The following USP28 variants were observed in gnomAD, a reference collection of about 807,000 sequenced individuals.
USP28 encodes the protein ubiquitin specific peptidase 28.
USP28 carries 113 observed loss-of-function variants against 145.0 expected under a neutral mutation model. The observed-to-expected ratio is 0.78, with a 90% CI of 0.67 to 0.91. The LOEUF (loss-of-function observed/expected upper bound fraction) is 0.91. Ranked by LOEUF, USP28 falls within the 40% of genes least tolerant of loss-of-function variation. The pLI, the probability that USP28 is intolerant of heterozygous loss-of-function variation, is 0.00. For synonymous variants in USP28, 447 were observed against 450.9 expected (o/e 0.99, Z 0.11); for missense variants, 1,201 against 1,289.6 (o/e 0.93, Z 1.05).
intron 3 of USP28, among the ~76,000 whole-genome samples, chr11:113,845,597 A>G (rs1945742725): frequency 3.3e-5 from 5 of 152,024 alleles, no homozygotes; most frequent in Admixed American, 3.3e-4. Context: ...TTTTTTTGAG[A>G]GAGTCTCACT....
At chr11:113,805,297 C>T (rs555773137) in intron 19 of USP28, among the ~76,000 whole-genome samples, 5 of 151,380 alleles carry the variant, frequency 3.3e-5, no homozygotes, top group African/African-American at 1.2e-4. Context: ...ACTTTGTCAC[C>T]CAGGCTGGAG....
intron 2 of USP28, among the ~76,000 whole-genome samples, chr11:113,853,701 C>A (rs1946726968): frequency 6.6e-6 from 1 of 151,682 alleles, no homozygotes; most frequent in Non-Finnish European, 1.5e-5. Context: ...ATGGTGAAAC[C>A]CCGTCTCTAC....
intron 12 of USP28, among the ~76,000 whole-genome samples, chr11:113,820,017 T>C (rs1217109772): frequency 2.0e-5 from 3 of 152,250 alleles, no homozygotes; most frequent in South Asian, 2.1e-4. Context: ...TGTTCCATTA[T>C]TGGAATGCTA....
chr11:113,819,432 T>C (rs930694326), intron 12 of USP28, among the ~76,000 whole-genome samples: 3 of 152,062 alleles, frequency 2.0e-5, no homozygotes, highest in African/African-American at 7.2e-5. Context: ...ATTCTTAAAC[T>C]GTAAAAGTAA....
chr11:113,851,259 T>C (rs1946412865), intron 3 of USP28, among the ~76,000 whole-genome samples: 1 of 152,098 alleles, frequency 6.6e-6, no homozygotes, highest in Non-Finnish European at 1.5e-5. Flanking sequence ...TGGAAATCAG[T>C]TTATATCATT....
At chr11:113,833,294 CA>C in intron 7 of USP28, 125 bp downstream of exon 7, 2 of 1,344,704 alleles carry the variant, frequency 1.5e-6, no homozygotes, top group African/African-American at 2.9e-5. Flanking sequence ...AAACAAAAGT[CA>C]GAAACGAGCA....
intron 5 of USP28, among the ~76,000 whole-genome samples, chr11:113,838,892 T>A (rs964245913): frequency 2.0e-5 from 3 of 152,210 alleles, no homozygotes; most frequent in Non-Finnish European, 4.4e-5. Flanking sequence ...GAGAATTCCA[T>A]TTTTTGGCTT....
At chr11:113,858,118 A>G (rs1386902968) in intron 1 of USP28, among the ~76,000 whole-genome samples, 1 of 152,236 alleles carries the variant, frequency 6.6e-6, no homozygotes, top group East Asian at 1.9e-4. Flanking sequence ...CACCTGTCTC[A>G]GCCTCCCAAA....
At chr11:113,799,666 A>G (rs1206138631) in intron 24 of USP28, among the ~76,000 whole-genome samples, 2 of 152,212 alleles carry the variant, frequency 1.3e-5, no homozygotes, top group African/African-American at 4.8e-5. Flanking sequence ...GTCTTCTTAA[A>G]ATACAAGGAA....
At chr11:113,844,185 A>C (rs1945546304) in intron 3 of USP28, among the ~76,000 whole-genome samples, 1 of 152,154 alleles carries the variant, frequency 6.6e-6, no homozygotes, top group Non-Finnish European at 1.5e-5. Context: ...TCACATCTAT[A>C]ATCCCAGCAC....
intron 11 of USP28, among the ~76,000 whole-genome samples, chr11:113,824,618 C>T (rs79493319): frequency 0.12 from 17,975 of 150,510 alleles, 1,075 homozygotes; most frequent in Middle Eastern, 0.17. Flanking sequence ...CATGTCTGGC[C>T]GAAAAACTCA....
intron 1 of USP28, 146 bp from the exon 2 acceptor site, chr11:113,854,481 A>C: frequency 4.6e-6 from 3 of 645,546 alleles, no homozygotes; most frequent in Middle Eastern, 2.9e-4. Flanking sequence ...GGCTCACTGC[A>C]ACCTCCGCCT....
rs1565352999 is a variant in USP28, at chr11:113,813,422, T to A, written c.1743+463A>T. 1.3e-5 allele frequency among the ~76,000 whole-genome samples: 2 copies of A among 152,204 alleles called. 1 individual carries two copies. The highest frequency in any genetic ancestry group is 6.3e-3 in the Middle Eastern group (2 of 316). ...TCCCAGAATTTATTCTAACAAACAC[T>A]TCTGTGGATAGTTAAGAATTTCTGT... is the stretch of plus-strand genomic sequence containing the variant. On this transcript the variant is annotated intron_variant, in intron 15 of 24. Coordinates refer to ENST00000003302, the Ensembl canonical transcript of USP28.
At chr11:113,853,301 CAAAAAAAAA>C (rs35806711) in intron 2 of USP28, among the ~76,000 whole-genome samples, 5 of 54,964 alleles carry the variant, frequency 9.1e-5, no homozygotes, top group Middle Eastern at 0.016. Context: ...TCTCCTGTCT[CAAAAAAAAA>C]AAAAAAAAAA....
intron 19 of USP28, among the ~76,000 whole-genome samples, chr11:113,806,126 T>A (rs1328015174): frequency 6.6e-6 from 1 of 151,866 alleles, no homozygotes; most frequent in Admixed American, 6.6e-5. Flanking sequence ...TTAGTAGAGA[T>A]GGGGGTCTCA....
intron 1 of USP28, among the ~76,000 whole-genome samples, chr11:113,874,314 G>C (rs565616602): frequency 6.0e-5 from 9 of 150,198 alleles, no homozygotes; most frequent in Non-Finnish European, 5.9e-5. Flanking sequence ...TAGCCGGGCC[G>C]GTGGCAAGCA....
intron 12 of USP28, 53 bp downstream of exon 12, chr11:113,823,552 T>C (rs1942936942): frequency 2.3e-6 from 3 of 1,288,150 alleles, no homozygotes; most frequent in South Asian, 1.3e-5. Flanking sequence ...AAACAAATTA[T>C]CTGTTTTTAA....
At chr11:113,803,729 T>G in intron 22 of USP28, 69 bp downstream of exon 23, 3 of 1,287,364 alleles carry the variant, frequency 2.3e-6, no homozygotes, top group Non-Finnish European at 3.3e-6. Context: ...CTCTTAGTAT[T>G]CCCAGGTAGG....
intron 23 of USP28, among the ~76,000 whole-genome samples, chr11:113,802,645 A>G (rs1280939649): frequency 6.6e-6 from 1 of 152,212 alleles, no homozygotes; most frequent in Non-Finnish European, 1.5e-5. Context: ...AGTATGTGAC[A>G]ATGATGTTAT....
Sources: allele counts gnomAD v4.1 joint callset (sites outside exome capture counted in the v4.1 genomes callset), GRCh38; gene constraint gnomAD v4.1.1; transcripts MANE v1.5; gene names NCBI Gene and HGNC (gene_info 2026-07-23, HGNC 2026-07-21).